Variants in RAB11FIP4 observed in about 807,000 individuals in gnomAD.
The protein encoded by RAB11FIP4 is RAB11 family interacting protein 4.
Under a neutral mutation model 74.3 loss-of-function variants are expected in RAB11FIP4, and 23 were observed. That is an observed-to-expected ratio of 0.31 (90% CI 0.22 to 0.44). The LOEUF is 0.44. Among genes scored for constraint, RAB11FIP4 ranks in the 20% least tolerant of loss-of-function variants. The probability of loss-of-function intolerance (pLI) is 1.00; values close to 1 mark genes in which losing one functional copy is unlikely to be tolerated. For synonymous variants in RAB11FIP4, 360 were observed against 359.9 expected, an observed-to-expected ratio of 1.00 and a Z score of 0.00; for missense variants, 630 against 863.9, an observed-to-expected ratio of 0.73 and a Z score of 3.39.
intron 7 of RAB11FIP4, chr17:31,523,086 G>A (rs1228044700): frequency 4.3e-6 from 1 of 230,582 alleles, no homozygotes; most frequent in African/African-American, 2.2e-5. Flanking sequence ...GACGTAGCAG[G>A]AGCCAGCTTG....
chr17:31,528,276 C>T (rs754504562), intron 11 of RAB11FIP4, 130 bp from the exon 12 acceptor site: 30 of 1,047,700 alleles, frequency 2.9e-5, no homozygotes, highest in South Asian at 6.6e-5. Flanking sequence ...CTCAGGGCTC[C>T]GTCTAAGGGA....
intron 1 of RAB11FIP4, among the ~76,000 whole-genome samples, chr17:31,424,347 A>G (rs1458207498): frequency 6.6e-6 from 1 of 152,112 alleles, no homozygotes; most frequent in East Asian, 1.9e-4. Context: ...GGCTTTAAAT[A>G]TTGGCATCTA....
chr17:31,441,257 C>T (rs2071405011), intron 3 of RAB11FIP4, among the ~76,000 whole-genome samples: 1 of 152,050 alleles, frequency 6.6e-6, no homozygotes, highest in Non-Finnish European at 1.5e-5. Flanking sequence ...AACTCCTGAC[C>T]TCAGGTGATC....
intron 1 of RAB11FIP4, among the ~76,000 whole-genome samples, chr17:31,406,345 G>T (rs1443992455): frequency 6.6e-6 from 1 of 152,216 alleles, no homozygotes; most frequent in Non-Finnish European, 1.5e-5. Flanking sequence ...TGACCCCCAG[G>T]AGGCACGTCC....
intron 3 of RAB11FIP4, among the ~76,000 whole-genome samples, chr17:31,507,002 G>A (rs532078841): frequency 1.8e-3 from 272 of 152,242 alleles, no homozygotes; most frequent in African/African-American, 6.1e-3. Flanking sequence ...AGTCCCAACC[G>A]GGCACAGTGG....
intron 3 of RAB11FIP4, among the ~76,000 whole-genome samples, chr17:31,486,029 T>C (rs1050250040): frequency 6.7e-6 from 1 of 149,990 alleles, no homozygotes; most frequent in Admixed American, 6.7e-5. Context: ...AGGTTAGGAG[T>C]TCAAGACCAG....
chr17:31,531,966 T>G lies in RAB11FIP4; in HGVS notation c.*234T>G. On this transcript the variant is annotated 3_prime_UTR_variant, in exon 15 of 15. Transcript: ENST00000621161. ...GCCGTGCATGCACTTTGTGGCCCCT[T>G]TGCAAGGGGCAGAGGGTACTGGAAG... 2.0e-6 allele frequency: 1 copy of G among 489,572 alleles called. No homozygotes were observed. The allele number at this position is 489,572 out of a possible 1,614,324, so 30.3% of individuals were successfully genotyped here.
intron 2 of RAB11FIP4, among the ~76,000 whole-genome samples, chr17:31,433,124 TAACA>T (rs1233336145): frequency 6.6e-6 from 1 of 152,024 alleles, no homozygotes; most frequent in Non-Finnish European, 1.5e-5. Flanking sequence ...CCAGCCTGGG[TAACA>T]GAGTAAGAAC....
Position 31,420,534 on chromosome 17 carries a change from C to A in RAB11FIP4, c.160-11279C>A, listed in dbSNP as rs528006965. ...AGGTGTGAGCCACTGTGCTCAGCCT[C>A]ATTTTTTATATTGGTGATTTGTATT... On this transcript the variant is annotated intron_variant, in intron 1 of 14. Transcript: ENST00000621161. Among the ~76,000 whole-genome samples the A allele has an allele frequency of 2.6e-3, 402 of 152,090 alleles. 3 individuals are homozygous for A. Among genetic ancestry groups the A allele is most frequent in the African/African-American group, 9.4e-3 (388 of 41,496 alleles).
At chr17:31,519,544 T>C (rs1275465965) in intron 4 of RAB11FIP4, among the ~76,000 whole-genome samples, 1 of 152,106 alleles carries the variant, frequency 6.6e-6, no homozygotes, top group Non-Finnish European at 1.5e-5. Context: ...GCTGCCACCA[T>C]TGTGGCTGAG....
At chr17:31,515,870 T>G (rs1000432811) in intron 3 of RAB11FIP4, among the ~76,000 whole-genome samples, 3 of 152,332 alleles carry the variant, frequency 2.0e-5, no homozygotes, top group African/African-American at 7.2e-5. Flanking sequence ...GAAGCTCTTC[T>G]ATCTGATGAT....
intron 3 of RAB11FIP4, among the ~76,000 whole-genome samples, chr17:31,484,519 C>T (rs536779189): frequency 1.3e-3 from 200 of 152,224 alleles, no homozygotes; most frequent in African/African-American, 4.8e-3. Flanking sequence ...TCACTCTTAG[C>T]CCCCGTTTGA....
intron 3 of RAB11FIP4, among the ~76,000 whole-genome samples, chr17:31,456,603 AT>A (rs1222310510): frequency 6.6e-6 from 1 of 152,236 alleles, no homozygotes; most frequent in Non-Finnish European, 1.5e-5. Flanking sequence ...CAGCATAACT[AT>A]CCCCTTGCTG....
chr17:31,480,316 G>A (rs960704496), intron 3 of RAB11FIP4, among the ~76,000 whole-genome samples: 8 of 152,080 alleles, frequency 5.3e-5, no homozygotes, highest in East Asian at 1.9e-4. Flanking sequence ...GCCAGGCCTC[G>A]GCCCTGAAGG....
chr17:31,411,300 G>C (rs1406585399), intron 1 of RAB11FIP4, among the ~76,000 whole-genome samples: 2 of 152,174 alleles, frequency 1.3e-5, no homozygotes, highest in Non-Finnish European at 2.9e-5. Context: ...GGAGGCAGAG[G>C]TTGCAGTGAG....
chr17:31,502,609 T>A (rs1053122439), intron 3 of RAB11FIP4, among the ~76,000 whole-genome samples: 1 of 152,132 alleles, frequency 6.6e-6, no homozygotes, highest in South Asian at 2.1e-4. Context: ...TTGAATTGAA[T>A]TGACCTTTAA....
At chr17:31,524,415 G>A (rs1030899219) in intron 9 of RAB11FIP4, 15 of 194,490 alleles carry the variant, frequency 7.7e-5, no homozygotes, top group Non-Finnish European at 1.2e-4. Flanking sequence ...TGAGCCTGCC[G>A]TTCCTGATGC....
Position 31,410,627 on chromosome 17 carries a change from C to T in RAB11FIP4, c.159+18616C>T, listed in dbSNP as rs140346528. ...ACTGCACCGAGGGGGCTGAAGGGGG[C>T]GGGGGCATGGTGTCACACCCTTGGA... On this transcript the variant is annotated intron_variant, in intron 1 of 14. Coordinates refer to ENST00000621161, the MANE Select transcript of RAB11FIP4 (RefSeq NM_032932.6). Among the ~76,000 whole-genome samples, 113 of 151,822 alleles carry T rather than the reference C, an allele frequency of 7.4e-4. No homozygotes were observed. In the East Asian group the frequency reaches 0.02, roughly 27 times the overall value.
chr17:31,429,388 G>A (rs1178849414), intron 1 of RAB11FIP4, among the ~76,000 whole-genome samples: 3 of 152,174 alleles, frequency 2.0e-5, no homozygotes, highest in Admixed American at 6.5e-5. Flanking sequence ...GTGTGCAACC[G>A]AAGTCATGAT....
Sources: gnomAD v4.1 joint callset for allele counts (sites outside exome capture counted in the v4.1 genomes callset) on GRCh38, gnomAD v4.1.1 for gene constraint, MANE v1.5 for transcripts, NCBI Gene and HGNC (gene_info 2026-07-23, HGNC 2026-07-21) for gene names.